The following DENND1A variants were observed in gnomAD, a reference collection of about 807,000 sequenced individuals.
DENND1A encodes DENN domain containing 1A, also known as DENN domain-containing protein 1A.
In DENND1A, 51 loss-of-function variants were observed where a neutral mutation model predicts 113.7. The ratio of observed to expected loss-of-function variants is 0.45; its 90% confidence interval spans 0.36 to 0.57. DENND1A has a LOEUF of 0.57. Among genes scored for constraint, DENND1A ranks in the 20% least tolerant of loss-of-function variants. The pLI, the probability that DENND1A is intolerant of heterozygous loss-of-function variation, is 0.00. For missense variants in DENND1A, 1,258 were observed against 1,395.9 expected (o/e 0.90, Z 1.57); for synonymous variants, 565 against 570.8 (o/e 0.99, Z 0.14).
At chr9:123,650,900 C>A in intron 9 of DENND1A, among the ~76,000 whole-genome samples, 1 of 101,692 alleles carries the variant, frequency 9.8e-6, no homozygotes, top group East Asian at 2.9e-4. Context: ...GAGTAAGACT[C>A]TGTCTCAAAA....
intron 21 of DENND1A, among the ~76,000 whole-genome samples, chr9:123,393,450 T>C (rs1325685678): frequency 6.6e-6 from 1 of 151,860 alleles, no homozygotes; most frequent in African/African-American, 2.4e-5. Flanking sequence ...AAGTTCCAGC[T>C]ACTCAAGAGG....
At chr9:123,506,354 T>C (rs919036251) in intron 13 of DENND1A, among the ~76,000 whole-genome samples, 2 of 151,998 alleles carry the variant, frequency 1.3e-5, no homozygotes, top group African/African-American at 4.8e-5. Context: ...GTGGCCGAAG[T>C]GGGCGGATCA....
chr9:123,419,293 A>C (rs2045027378), intron 19 of DENND1A, among the ~76,000 whole-genome samples: 2 of 152,214 alleles, frequency 1.3e-5, no homozygotes, highest in African/African-American at 4.8e-5. Context: ...AGGGGGTCTC[A>C]GATCCTCTGT....
intron 3 of DENND1A, among the ~76,000 whole-genome samples, chr9:123,784,980 T>G (rs547153457): frequency 2.7e-4 from 41 of 152,246 alleles, no homozygotes; most frequent in African/African-American, 9.6e-4. Context: ...CCCCATCCCA[T>G]TCTTAAATTC....
At chr9:123,894,860 G>C (rs540404751) in intron 1 of DENND1A, among the ~76,000 whole-genome samples, 1 of 152,288 alleles carries the variant, frequency 6.6e-6, no homozygotes, top group East Asian at 1.9e-4. Flanking sequence ...GCATTCAAGA[G>C]AAGCACCATG....
intron 5 of DENND1A, among the ~76,000 whole-genome samples, chr9:123,734,428 G>T (rs2068408969): frequency 6.6e-6 from 1 of 152,064 alleles, no homozygotes; most frequent in African/African-American, 2.4e-5. Flanking sequence ...ATGTGAAAGT[G>T]GGGAAAGTGC....
intron 2 of DENND1A, among the ~76,000 whole-genome samples, chr9:123,825,892 G>A (rs1279139053): frequency 6.6e-6 from 1 of 152,212 alleles, no homozygotes; most frequent in Non-Finnish European, 1.5e-5. Context: ...AGTGGCCTGT[G>A]CCAATTTGCA....
chr9:123,382,566 G>A lies in DENND1A; in HGVS notation c.2079C>T (p.Thr693=). 2 of 1,614,084 alleles carry A rather than the reference G, an allele frequency of 1.2e-6. No individual in the cohort carries two copies. Among genetic ancestry groups the A allele is most frequent in the Non-Finnish European group, 8.5e-7 (1 of 1,180,008 alleles). ...SRGVTVALKL[T]HPYNKLWSLG... Reference sequence around the variant, plus strand: ...GGCTCCAGAGCTTGTTGTACGGGTGGGTAAGCTTCAAGGCCACTGTCACCC... The same window carrying A: ...GGCTCCAGAGCTTGTTGTACGGGTGAGTAAGCTTCAAGGCCACTGTCACCC... Residue 693 remains threonine, a synonymous_variant, in exon 24 of 24, where the codon ACC becomes ACT. Transcript: ENST00000394215.
At chr9:123,829,705 T>A (rs1291006338) in intron 2 of DENND1A, among the ~76,000 whole-genome samples, 6 of 152,040 alleles carry the variant, frequency 3.9e-5, no homozygotes, top group Non-Finnish European at 7.4e-5. Flanking sequence ...ATAATAACTA[T>A]TAAATACAGG....
intron 13 of DENND1A, among the ~76,000 whole-genome samples, chr9:123,544,337 A>G (rs925711916): frequency 6.6e-6 from 1 of 152,280 alleles, no homozygotes; most frequent in Non-Finnish European, 1.5e-5. Flanking sequence ...TAAAAAAGAT[A>G]TATAAAATTT....
chr9:123,409,915 C>T (rs1378945223), intron 20 of DENND1A, among the ~76,000 whole-genome samples: 3 of 152,036 alleles, frequency 2.0e-5, no homozygotes, highest in Non-Finnish European at 1.5e-5. Flanking sequence ...CACAGTGAAA[C>T]CCCGTCTCTA....
At chr9:123,608,402 A>G (rs187042812) in intron 11 of DENND1A, among the ~76,000 whole-genome samples, 194 of 152,266 alleles carry the variant, frequency 1.3e-3, no homozygotes, top group African/African-American at 4.5e-3. Flanking sequence ...GCAAAGCACC[A>G]CCGCAGACGG....
intron 5 of DENND1A, among the ~76,000 whole-genome samples, chr9:123,696,228 G>A (rs1405761668): frequency 6.6e-6 from 1 of 152,162 alleles, no homozygotes; most frequent in East Asian, 1.9e-4. Context: ...GCTGGTATTT[G>A]GAGAAAAGTG....
intron 6 of DENND1A, among the ~76,000 whole-genome samples, chr9:123,675,614 A>G (rs1238481472): frequency 6.6e-6 from 1 of 152,222 alleles, no homozygotes. Flanking sequence ...ACAAAAAGAA[A>G]AATATAAGAC....
At chr9:123,577,273 A>C (rs931899006) in intron 12 of DENND1A, among the ~76,000 whole-genome samples, 5 of 151,968 alleles carry the variant, frequency 3.3e-5, no homozygotes, top group African/African-American at 4.8e-5. Context: ...TAATCCCATA[A>C]GTGATTTTTT....
In DENND1A at chr9:123,924,913, C is replaced by T. The variant is rs556468112; in HGVS notation, c.17+4976G>A. Among the ~76,000 whole-genome samples, 11 of 152,300 alleles carry T rather than the reference C, an allele frequency of 7.2e-5. No homozygotes were observed. The East Asian group carries it at 1.4e-3, about 19-fold the overall frequency. ...TGGAATAAAAAGTCTTGCCTAGTCT[C>T]TTTAGATGACTAATACCTCCTCATC... On this transcript the variant is annotated intron_variant, in intron 1 of 23. Coordinates refer to ENST00000394215, the MANE Select transcript of DENND1A (RefSeq NM_001352964.2).
At chr9:123,527,615 G>A (rs2054947166) in intron 13 of DENND1A, among the ~76,000 whole-genome samples, 1 of 151,964 alleles carries the variant, frequency 6.6e-6, no homozygotes, top group African/African-American at 2.4e-5. Flanking sequence ...TTCCTAGTTG[G>A]GTACCCCCCT....
At chr9:123,894,717 T>C (rs577517685) in intron 1 of DENND1A, among the ~76,000 whole-genome samples, 178 of 152,340 alleles carry the variant, frequency 1.2e-3, no homozygotes, top group African/African-American at 4.2e-3. Flanking sequence ...CTCCTGCCTT[T>C]CAGATATGAA....
chr9:123,514,706 C>T (rs544969033), intron 13 of DENND1A, among the ~76,000 whole-genome samples: 4 of 152,170 alleles, frequency 2.6e-5, no homozygotes, highest in Non-Finnish European at 5.9e-5. Flanking sequence ...TGTGAACCCA[C>T]GGCCTTCAGT....
Sources: gnomAD v4.1 joint callset for allele counts (sites outside exome capture counted in the v4.1 genomes callset) on GRCh38, gnomAD v4.1.1 for gene constraint, MANE v1.5 for transcripts, NCBI Gene and HGNC (gene_info 2026-07-23, HGNC 2026-07-21) for gene names.